The following CCNT1 variants were observed in gnomAD, a reference collection of about 807,000 sequenced individuals.
CCNT1 encodes the protein cyclin-T1.
CCNT1 carries 18 observed loss-of-function variants against 67.3 expected under a neutral mutation model. The ratio of observed to expected loss-of-function variants is 0.27; its 90% CI spans 0.18 to 0.40. CCNT1 has a LOEUF of 0.40. Ranked by LOEUF, CCNT1 falls within the 10% of genes least tolerant of loss-of-function variation. CCNT1 has a pLI of 1.00. For synonymous variants in CCNT1, 333 were observed against 310.3 expected, an observed-to-expected ratio of 1.07 and a Z score of -0.77; for missense variants, 744 against 884.9, an observed-to-expected ratio of 0.84 and a Z score of 2.02.
intron 2 of CCNT1, among the ~76,000 whole-genome samples, chr12:48,706,547 T>A (rs571324769): frequency 7.9e-5 from 12 of 152,204 alleles, no homozygotes; most frequent in African/African-American, 2.9e-4. Context: ...GAGGGAAAAA[T>A]TGAAGTCAAT....
intron 8 of CCNT1, 83 bp downstream of exon 8, chr12:48,695,676 G>A (rs1940159239): frequency 1.1e-6 from 1 of 879,366 alleles, no homozygotes; most frequent in Non-Finnish European, 1.9e-6. Context: ...CAAACCTAGG[G>A]TACATATTCA....
intron 2 of CCNT1, among the ~76,000 whole-genome samples, chr12:48,712,993 C>T (rs1432549994): frequency 2.0e-5 from 3 of 151,976 alleles, no homozygotes; most frequent in African/African-American, 7.2e-5. Context: ...ATCCCTATTA[C>T]CTTGGCGTTT....
At chr12:48,707,521 A>C (rs1746268324) in intron 2 of CCNT1, among the ~76,000 whole-genome samples, 1 of 152,002 alleles carries the variant, frequency 6.6e-6, no homozygotes, top group Admixed American at 6.6e-5. Flanking sequence ...GGGCTCAAGT[A>C]ATTCTGTCTC....
chr12:48,707,052 C>A (rs529178316), intron 2 of CCNT1, among the ~76,000 whole-genome samples: 1 of 152,048 alleles, frequency 6.6e-6, no homozygotes, highest in Non-Finnish European at 1.5e-5. Context: ...CATACACATA[C>A]GGAAAAAACT....
rs529615479 is a variant in CCNT1 at position 48,690,608 on chromosome 12, C to G, written c.*2425G>C. 6.6e-6 allele frequency: 1 copy of G among 152,310 alleles called. No homozygotes were observed. The highest frequency in any genetic ancestry group is 2.4e-5 in the African/African-American group (1 of 41,568). 9.4% of individuals were successfully genotyped at this position (152,310 alleles called of 1,614,324 possible). On this transcript the variant is annotated 3_prime_UTR_variant, in exon 9 of 9. Transcript: ENST00000261900. ...AGGAGGCATTAACACAGAAAGGTCT[C>G]TAAACTGACCTATGTCAGCAATGAT...
intron 2 of CCNT1, among the ~76,000 whole-genome samples, chr12:48,712,621 A>C (rs1280310340): frequency 3.5e-5 from 4 of 115,792 alleles, no homozygotes; most frequent in Non-Finnish European, 6.9e-5. Flanking sequence ...AAAAAAAAGC[A>C]GGGAAATACT....
rs397743667 is a variant in CCNT1, at chr12:48,698,202, A to AG, written c.497-20dup. The AG allele has an allele frequency of 3.3e-6, 5 of 1,537,370 alleles. No homozygotes were observed. In the South Asian group the frequency reaches 4.9e-5, roughly 15 times the overall value. ...TTGCTTGCTAAAGAAAAAAAAAAAA[A>AG]GTCAGGGGTGGGGGAGGAAAAAAGT... is the stretch of plus-strand genomic sequence containing the variant. On this transcript the variant is annotated intron_variant, in intron 5 of 8. Transcript: ENST00000261900.
Position 48,695,806 on chromosome 12 carries a change from TC to T in CCNT1, c.729del (p.Ile244PhefsTer43). On this transcript the variant is annotated frameshift_variant, in exon 8 of 9. Transcript: ENST00000261900. LOFTEE classifies it high-confidence loss of function. The stretch of plus-strand genomic sequence containing the variant: ...AGCCTGTTGGGAGTTTTCTCCAAAA[TC>T]TGTAGAAACTCATGTGTCAGTTCTA... ...LLDELTHEFL[Q>X]ILEKTPNRLK... 6.2e-7 allele frequency: 1 copy of T among 1,612,824 alleles called. No individual in the cohort carries two copies. The highest frequency in any genetic ancestry group is 8.5e-7 in the Non-Finnish European group (1 of 1,178,806).
At chr12:48,715,262 C>A (rs932446618) in intron 1 of CCNT1, among the ~76,000 whole-genome samples, 2 of 152,150 alleles carry the variant, frequency 1.3e-5, no homozygotes, top group Non-Finnish European at 2.9e-5. Flanking sequence ...GGCGATAAAA[C>A]AGACACCCAT....
intron 2 of CCNT1, among the ~76,000 whole-genome samples, chr12:48,711,235 C>T (rs1940445761): frequency 6.6e-6 from 1 of 151,870 alleles, no homozygotes; most frequent in Non-Finnish European, 1.5e-5. Context: ...CAAAAATTAG[C>T]TGGGTGTGGT....
intron 1 of CCNT1, among the ~76,000 whole-genome samples, chr12:48,715,864 C>G (rs769006254): frequency 6.6e-6 from 1 of 152,206 alleles, no homozygotes; most frequent in Non-Finnish European, 1.5e-5. Context: ...TGGGTATCCC[C>G]TACAAACGTA....
Position 48,693,632 on chromosome 12 carries a change from G to C in CCNT1, c.1582C>G (p.His528Asp). 1 of 1,614,178 alleles carries C rather than the reference G, an allele frequency of 6.2e-7. No homozygotes were observed. The highest frequency in any genetic ancestry group is 8.5e-7 in the Non-Finnish European group (1 of 1,180,034). Reference sequence around the variant, plus strand: ...CCAACTGGAAGTTGGGAATGAGAGTGCTTGTGTGAGTGGTGATTATGATGA... The same window carrying C: ...CCAACTGGAAGTTGGGAATGAGAGTCCTTGTGTGAGTGGTGATTATGATGA... ...HHHHNHHSHK[H>D]SHSQLPVGTG... The change falls in exon 9 of 9, where the codon CAC (histidine) becomes GAC (aspartate). Residue 528 changes from histidine (H) to aspartate (D), a missense_variant. His to Asp is a moderately conservative substitution (Grantham distance 81). This residue lies in a region of CCNT1 where 564 missense variants were observed against 574.2 expected (regional missense o/e 0.98). Coordinates refer to ENST00000261900, the MANE Select transcript of CCNT1 (RefSeq NM_001240.4).
chr12:48,698,115 GAA>G, intron 6 of CCNT1, 21 bp downstream of exon 6: 8 of 1,311,932 alleles, frequency 6.1e-6, no homozygotes, highest in South Asian at 1.5e-5. Flanking sequence ...AAATCGAAGA[GAA>G]AAAAAAATTA....
At chr12:48,704,140 C>T (rs1416783884) in intron 3 of CCNT1, among the ~76,000 whole-genome samples, 1 of 152,070 alleles carries the variant, frequency 6.6e-6, no homozygotes, top group East Asian at 1.9e-4. Flanking sequence ...AGACAAAATA[C>T]ATGCACACAT....
chr12:48,712,595 T>TAAAAAAAAAAAAAA (rs759919820), intron 2 of CCNT1, among the ~76,000 whole-genome samples: 12 of 33,370 alleles, frequency 3.6e-4, no homozygotes, highest in African/African-American at 1.0e-3. Flanking sequence ...AAAAAAAAAA[T>TAAAAAAAAAAAAAA]AAAAAAAAAA....
chr12:48,699,992 C>T, intron 4 of CCNT1, 152 bp from the exon 5 acceptor site: 2 of 567,970 alleles, frequency 3.5e-6, no homozygotes, highest in Non-Finnish European at 3.1e-6. Context: ...CATCATTGTC[C>T]CATGAAATAT....
intron 4 of CCNT1, 143 bp from the exon 5 acceptor site, chr12:48,699,983 A>G (rs960741072): frequency 3.0e-5 from 17 of 574,096 alleles, no homozygotes; most frequent in Admixed American, 6.3e-5. Context: ...CCAGAAAAAC[A>G]TCATTGTCCC....
At chr12:48,706,889 G>T (rs1940369052) in intron 2 of CCNT1, among the ~76,000 whole-genome samples, 1 of 152,042 alleles carries the variant, frequency 6.6e-6, no homozygotes, top group Non-Finnish European at 1.5e-5. Flanking sequence ...CAAGACCATA[G>T]GAGACAAAAA....
At chr12:48,715,366 G>C (rs1464539664) in intron 1 of CCNT1, among the ~76,000 whole-genome samples, 2 of 152,066 alleles carry the variant, frequency 1.3e-5, no homozygotes. Flanking sequence ...ACGCAGAGTG[G>C]AAAGAAATTT....
Sources: allele counts gnomAD v4.1 joint callset (sites outside exome capture counted in the v4.1 genomes callset), GRCh38; gene constraint gnomAD v4.1.1; regional missense constraint gnomAD v4.1.1; transcripts MANE v1.5; gene names NCBI Gene and HGNC (gene_info 2026-07-23, HGNC 2026-07-21).